The following MDFIC variants were observed in gnomAD, a reference collection of about 807,000 sequenced individuals.
The protein encoded by MDFIC is MyoD family inhibitor domain containing.
A neutral mutation model predicts 23.2 loss-of-function variants in MDFIC; 17 were observed. The ratio of observed to expected loss-of-function variants is 0.73; its 90% CI spans 0.50 to 1.10. The LOEUF (loss-of-function observed/expected upper bound fraction) is 1.10, where lower values mean the gene tolerates loss of function less well. MDFIC is among the 50% of genes least tolerant of loss of function. MDFIC has a pLI of 0.00. For synonymous variants in MDFIC, 120 were observed against 115.2 expected, an observed-to-expected ratio of 1.04 and a Z score of -0.27; for missense variants, 356 against 316.6, an observed-to-expected ratio of 1.12 and a Z score of -0.95.
Position 114,968,336 on chromosome 7 carries a change from A to C in MDFIC, c.218-11170A>C, listed in dbSNP as rs115312575. On this transcript the variant is annotated intron_variant, in intron 3 of 4. Coordinates refer to ENST00000393486, the MANE Select transcript of MDFIC (RefSeq NM_001166345.3). The stretch of plus-strand genomic sequence containing the variant: ...AGGAGAAAGCAAATGAGAATGAGAA[A>C]ATAATGTCATTTTTACTTATTCATT... 3.2e-3 allele frequency among the ~76,000 whole-genome samples: 489 copies of C among 152,366 alleles called. 1 individual carries two copies. Among genetic ancestry groups the C allele is most frequent in the African/African-American group, 0.011 (476 of 41,598 alleles).
chr7:114,938,597 T>G (rs933758458), intron 2 of MDFIC, among the ~76,000 whole-genome samples: 3 of 152,190 alleles, frequency 2.0e-5, no homozygotes, highest in Non-Finnish European at 4.4e-5. Flanking sequence ...GTTCTAACCC[T>G]GAGCCAAAGT....
At position 115,019,578 on chromosome 7, in the gene MDFIC, G is replaced by C. The variant is rs1791862114; in HGVS notation, c.*3643G>C. ...GTTAAATGCTTAGATTTACCTAACT[G>C]CCTAATGAATCAGGTTATTTGTTAA... On this transcript the variant is annotated 3_prime_UTR_variant, in exon 5 of 5. Coordinates refer to ENST00000393486, the MANE Select transcript of MDFIC (RefSeq NM_001166345.3). 6.6e-6 allele frequency among the ~76,000 whole-genome samples: 1 copy of C among 152,100 alleles called. No homozygotes were observed. The highest frequency in any genetic ancestry group is 1.9e-4 in the East Asian group (1 of 5,182).
chr7:114,949,315 C>G (rs966057598), intron 3 of MDFIC, among the ~76,000 whole-genome samples: 7 of 152,102 alleles, frequency 4.6e-5, no homozygotes, highest in African/African-American at 1.7e-4. Flanking sequence ...TTATTCCTCT[C>G]CTATTGGAGA....
intron 4 of MDFIC, among the ~76,000 whole-genome samples, chr7:115,005,941 A>G (rs1185800854): frequency 2.7e-4 from 41 of 152,144 alleles, no homozygotes; most frequent in Non-Finnish European, 1.5e-5. Flanking sequence ...ACTGCTTTGA[A>G]ACGTGCTTTG....
chr7:114,975,641 A>G (rs1793295111), intron 3 of MDFIC, among the ~76,000 whole-genome samples: 1 of 151,984 alleles, frequency 6.6e-6, no homozygotes, highest in Admixed American at 6.6e-5. Flanking sequence ...TTGTGGTTTA[A>G]TCCGTCAGGT....
chr7:114,949,879 G>A (rs1792729134), intron 3 of MDFIC, among the ~76,000 whole-genome samples: 1 of 152,100 alleles, frequency 6.6e-6, no homozygotes, highest in African/African-American at 2.4e-5. Context: ...GCTGTTCGTG[G>A]GAGGGACTGA....
At chr7:114,987,114 G>T (rs533185621) in intron 4 of MDFIC, among the ~76,000 whole-genome samples, 134 of 152,268 alleles carry the variant, frequency 8.8e-4, no homozygotes, top group Middle Eastern at 3.4e-3. Flanking sequence ...ACCCAGCAGA[G>T]GGAGGACAGT....
chr7:114,965,275 G>C (rs1199006509), intron 3 of MDFIC, among the ~76,000 whole-genome samples: 1 of 152,182 alleles, frequency 6.6e-6, no homozygotes, highest in Non-Finnish European at 1.5e-5. Flanking sequence ...AATGGCATAG[G>C]GGTTTGGAGC....
intron 4 of MDFIC, among the ~76,000 whole-genome samples, chr7:115,002,868 C>T (rs1791490505): frequency 6.6e-6 from 1 of 152,148 alleles, no homozygotes; most frequent in Non-Finnish European, 1.5e-5. Context: ...TCTTTTCTGT[C>T]TAAAAATATA....
In MDFIC at chr7:114,922,351, A is replaced by G; in HGVS notation, c.-393A>G. The stretch of plus-strand genomic sequence containing the variant: ...GGAGTGGAAGAGGGGAAAGAGAGGC[A>G]GAGAGGGGGAAGGCCCCCTCGCAGG... On this transcript the variant is annotated 5_prime_UTR_variant, in exon 1 of 5. Transcript: ENST00000393486. 8.7e-7 allele frequency: 1 copy of G among 1,148,724 alleles called. No individual in the cohort carries two copies. Among genetic ancestry groups the G allele is most frequent in the Non-Finnish European group, 1.1e-6 (1 of 911,280 alleles). 71.2% of individuals were successfully genotyped at this position (1,148,724 alleles called of 1,614,324 possible).
intron 4 of MDFIC, among the ~76,000 whole-genome samples, chr7:115,000,411 C>T (rs1791439123): frequency 6.6e-6 from 1 of 152,132 alleles, no homozygotes; most frequent in South Asian, 2.1e-4. Flanking sequence ...AATTGGTTTC[C>T]TTCAAAATCC....
intron 2 of MDFIC, among the ~76,000 whole-genome samples, chr7:114,931,063 TTCC>T (rs1792299186): frequency 6.6e-6 from 1 of 152,044 alleles, no homozygotes; most frequent in East Asian, 1.9e-4. Flanking sequence ...CCGTCCCCTT[TTCC>T]TCCTCCCTCT....
intron 4 of MDFIC, chr7:115,014,611 G>A: frequency 1.9e-6 from 2 of 1,042,966 alleles, no homozygotes; most frequent in Non-Finnish European, 2.4e-6. Flanking sequence ...ATTATACAAA[G>A]TACAAAAACA....
chr7:114,931,087 T>C (rs1402813150), intron 2 of MDFIC, among the ~76,000 whole-genome samples: 1 of 147,266 alleles, frequency 6.8e-6, no homozygotes, highest in East Asian at 1.9e-4. Context: ...CTCTCTCTCT[T>C]TGTCTTTCCA....
rs1176985711 is a variant in MDFIC, at chr7:114,922,627, G to T, written c.-117G>T. On this transcript the variant is annotated 5_prime_UTR_variant, in exon 1 of 5. Coordinates refer to ENST00000393486, the MANE Select transcript of MDFIC (RefSeq NM_001166345.3). The stretch of plus-strand genomic sequence containing the variant: ...GAAGGGGCTTGGAGCGACTACGGGG[G>T]GATGCGGAGGTAGGTAGTGGTCTCC... The T allele has an allele frequency of 6.2e-6, 8 of 1,282,938 alleles. No individual in the cohort carries two copies. The highest frequency in any genetic ancestry group is 7.9e-6 in the Non-Finnish European group (8 of 1,008,660). 79.5% of individuals were successfully genotyped at this position (1,282,938 alleles called of 1,614,324 possible). A position where few individuals can be genotyped will look rare whatever the true frequency, so the allele number is the denominator to read the frequency against.
intron 3 of MDFIC, among the ~76,000 whole-genome samples, chr7:114,978,117 T>A (rs1263925072): frequency 6.6e-6 from 1 of 151,714 alleles, no homozygotes; most frequent in African/African-American, 2.4e-5. Context: ...GAGTCCCATA[T>A]TTGGGGCTCA....
intron 3 of MDFIC, among the ~76,000 whole-genome samples, chr7:114,960,556 C>T (rs1015998004): frequency 6.6e-6 from 1 of 151,986 alleles, no homozygotes; most frequent in African/African-American, 2.4e-5. Flanking sequence ...TGAATAGACC[C>T]CTTTTATTTC....
Position 115,016,808 on chromosome 7 carries a change from G to C in MDFIC, c.*873G>C, listed in dbSNP as rs1285696401. 5 of 152,388 alleles carry C rather than the reference G, an allele frequency of 3.3e-5. No homozygotes were observed. Among genetic ancestry groups the C allele is most frequent in the African/African-American group, 9.7e-5 (4 of 41,426 alleles). The allele number at this position is 152,388 out of a possible 1,614,324, so 9.4% of individuals were successfully genotyped here. A position where few individuals can be genotyped will look rare whatever the true frequency, so the allele number is the denominator to read the frequency against. On this transcript the variant is annotated 3_prime_UTR_variant, in exon 5 of 5. Coordinates refer to ENST00000393486, the MANE Select transcript of MDFIC (RefSeq NM_001166345.3). ...GTTCAACAGACTCTGAATGCCGACT[G>C]TGTGGACTCTCTTCCTCAGACTGTG...
At chr7:114,983,121 A>G (rs956471714) in intron 4 of MDFIC, among the ~76,000 whole-genome samples, 6 of 152,204 alleles carry the variant, frequency 3.9e-5, no homozygotes, top group African/African-American at 1.4e-4. Context: ...TCTGCTTCAC[A>G]TTTTTGTTAA....
Sources: gnomAD v4.1 joint callset for allele counts (sites outside exome capture counted in the v4.1 genomes callset) on GRCh38, gnomAD v4.1.1 for gene constraint, MANE v1.5 for transcripts, NCBI Gene and HGNC (gene_info 2026-07-23, HGNC 2026-07-21) for gene names.